ZNF12: variants seen among roughly 807,000 people sequenced by gnomAD.
ZNF12 encodes zinc finger protein 12.
In ZNF12, 34 loss-of-function variants were observed where a neutral mutation model predicts 66.6. That is an observed-to-expected ratio of 0.51 (90% confidence interval 0.39 to 0.68). The LOEUF is 0.68. Ranked by LOEUF, ZNF12 falls within the 30% of genes least tolerant of loss-of-function variation. The pLI, the probability that ZNF12 is intolerant of heterozygous loss-of-function variation, is 0.00. For missense variants in ZNF12, 697 were observed against 826.9 expected, an observed-to-expected ratio of 0.84 and a Z score of 1.93; for synonymous variants, 320 against 278.9, an observed-to-expected ratio of 1.15 and a Z score of -1.47.
At position 6,705,290 on chromosome 7, in the gene ZNF12, C is replaced by T. The variant is rs1780335773; in HGVS notation, c.-50-67G>A. On this transcript the variant is annotated intron_variant, in intron 1 of 4. Transcript: ENST00000405858. The surrounding 1 kb of genome is among the most constrained non-coding windows in gnomAD (Gnocchi z 4.0). ...GGCCTGCCAAGGCGGTCATCTCCCG[C>T]CCAAAACCTACACAGAAAGTTCCAA... 2 of 1,218,590 alleles carry T rather than the reference C, an allele frequency of 1.6e-6. No individual in the cohort carries two copies. The highest frequency in any genetic ancestry group is 1.3e-5 in the South Asian group (1 of 77,804). The allele number at this position is 1,218,590 out of a possible 1,614,324, so 75.5% of individuals were successfully genotyped here.
rs1323970725 is a variant in ZNF12, at chr7:6,706,941, G to GGGCACTGCGGCCGCGGC, written c.-561_-560insGCCGCGGCCGCAGTGCC. 7 of 403,526 alleles carry GGGCACTGCGGCCGCGGC rather than the reference G, an allele frequency of 1.7e-5. No individual in the cohort carries two copies. The highest frequency in any genetic ancestry group is 1.5e-5 in the Non-Finnish European group (3 of 203,838). The allele number at this position is 403,526 out of a possible 1,614,324, so 25.0% of individuals were successfully genotyped here. A position where few individuals can be genotyped will look rare whatever the true frequency, so the allele number is the denominator to read the frequency against. ...TGACCTGGGGACGCACAGGAAGCGA[G>GGGCACTGCGGCCGCGGC]GGCACTGCGGCCGCGGCGCGCATGC... On this transcript the variant is annotated 5_prime_UTR_variant, in exon 1 of 5. Transcript: ENST00000405858.
chr7:6,701,719 C>G (rs935060753), intron 2 of ZNF12, among the ~76,000 whole-genome samples: 1 of 152,086 alleles, frequency 6.6e-6, no homozygotes, highest in Non-Finnish European at 1.5e-5. Context: ...ACCCTCTTCT[C>G]TAACCACCTC....
Position 6,697,803 on chromosome 7 carries a change from C to T in ZNF12, c.24G>A (p.Val8=). The T allele has an allele frequency of 6.2e-7, 1 of 1,614,150 alleles. No homozygotes were observed. Among genetic ancestry groups the T allele is most frequent in the Non-Finnish European group, 8.5e-7 (1 of 1,180,040 alleles). The change falls in exon 3 of 5, where the codon GTG becomes GTA. Residue 8 remains valine, a synonymous_variant. Transcript: ENST00000405858. The surrounding 1 kb of genome is among the most constrained non-coding windows in gnomAD (Gnocchi z 6.1). ...AGTCCACAGCCACGTCCTTGAATGA[C>T]ACTGGCCCCTGAAATGGCACCGTGA... is the stretch of plus-strand genomic sequence containing the variant. The part of the protein sequence containing the change: MNKSLGP[V]SFKDVAVDFT...
chr7:6,697,341 G>C lies in ZNF12; in HGVS notation c.236C>G (p.Pro79Arg), dbSNP rs1780169056. The change falls in exon 4 of 5, where the codon CCA (proline) becomes CGA (arginine). Residue 79 changes from proline to arginine, a missense_variant and splice_region_variant. Around this residue, in one of 3 missense-constraint regions of ZNF12, gnomAD observed 241 missense variants for 224.0 expected, o/e 1.08. Transcript: ENST00000405858. The surrounding 1 kb of genome is among the most constrained non-coding windows in gnomAD (Gnocchi z 6.1). ...CCTCACTGCCTCCACTAACACACCT[G>C]GATAGCTCTGAAGTAGGAATTCTCC... ...VEGEFLLQSY[P>R]DEVWQTDDLI... 6.2e-7 allele frequency: 1 copy of C among 1,604,912 alleles called. No homozygotes were observed. Among genetic ancestry groups the C allele is most frequent in the African/African-American group, 1.3e-5 (1 of 74,782 alleles).
rs777212650 is a variant in ZNF12 at position 6,691,203 on chromosome 7, C to G, written c.1739G>C (p.Ser580Thr). The G allele has an allele frequency of 1.2e-6, 2 of 1,613,068 alleles. No individual in the cohort carries two copies. Among genetic ancestry groups the G allele is most frequent in the Non-Finnish European group, 1.7e-6 (2 of 1,179,736 alleles). The change falls in exon 5 of 5, where the codon AGT becomes ACT. Residue 580 changes from serine (S) to threonine (T), a missense_variant. Ser to Thr is a moderately conservative substitution (Grantham distance 58, BLOSUM62 1). Around this residue, in one of 3 missense-constraint regions of ZNF12, gnomAD observed 401 missense variants for 519.0 expected, o/e 0.77. Coordinates refer to ENST00000405858, the MANE Select transcript of ZNF12 (RefSeq NM_016265.4). ...IHSGEKPYEC[S>T]ECGKTFCQNS... ...CTGGCAGAAGGTTTTCCCACATTCA[C>G]TACATTCATAGGGCTTCTCTCCTGA...
intron 2 of ZNF12, among the ~76,000 whole-genome samples, chr7:6,700,567 T>C (rs944065890): frequency 6.6e-6 from 1 of 152,184 alleles, no homozygotes; most frequent in Non-Finnish European, 1.5e-5. Flanking sequence ...TGTCACTGAC[T>C]CAATCCCCTC....
Position 6,696,313 on chromosome 7 carries a change from G to C in ZNF12, c.238+1026C>G, listed in dbSNP as rs1780154474. ...CAGTGGTTTCACAGGGACCACTATAGAAGAAGAAGAGATTAGTATAGTTTA... is the reference window on the plus strand; with the variant it reads ...CAGTGGTTTCACAGGGACCACTATACAAGAAGAAGAGATTAGTATAGTTTA... On this transcript the variant is annotated intron_variant, in intron 4 of 4. Coordinates refer to ENST00000405858, the MANE Select transcript of ZNF12 (RefSeq NM_016265.4). The surrounding 1 kb of genome is among the most constrained non-coding windows in gnomAD (Gnocchi z 4.0). Among the ~76,000 whole-genome samples, 1 of 121,974 alleles carries C rather than the reference G, an allele frequency of 8.2e-6. No homozygotes were observed. The highest frequency in any genetic ancestry group is 2.6e-5 in the African/African-American group (1 of 37,824). 80.0% of individuals were successfully genotyped at this position (121,974 alleles called of 152,430 possible).
chr7:6,697,393 G>A lies in ZNF12; in HGVS notation c.184C>T (p.Gln62Ter). The A allele has an allele frequency of 6.2e-7, 1 of 1,612,446 alleles. No homozygotes were observed. The highest frequency in any genetic ancestry group is 8.5e-7 in the Non-Finnish European group (1 of 1,179,310). The change falls in exon 4 of 5, where the codon CAA becomes TAA. Residue 62 changes from glutamine (Q) to a stop codon, truncating the protein, a stop_gained. Coordinates refer to ENST00000405858, the MANE Select transcript of ZNF12 (RefSeq NM_016265.4). LOFTEE classifies it high-confidence loss of function. This position sits in a 1 kb window ranked among gnomAD's most constrained non-coding sequence, Gnocchi z 6.1. ...TCTACTATCCATGGCTCTTCTCCTT[G>A]CTCCAACTTGCTGATAACATCCGGT... ...IKPDVISKLE[Q>*]GEEPWIVEGE...
At position 6,698,527 on chromosome 7, in the gene ZNF12, A is replaced by G. The variant is rs1328323342; in HGVS notation, c.16-716T>C. Among the ~76,000 whole-genome samples, 1 of 152,218 alleles carries G rather than the reference A, an allele frequency of 6.6e-6. No homozygotes were observed. The highest frequency in any genetic ancestry group is 1.5e-5 in the Non-Finnish European group (1 of 68,046). ...TAGCTACTACTGGAACCAACCCACA[A>G]TATTTGACACAATTACCAAAATAAC... On this transcript the variant is annotated intron_variant, in intron 2 of 4. Coordinates refer to ENST00000405858, the MANE Select transcript of ZNF12 (RefSeq NM_016265.4). This position sits in a 1 kb window ranked among gnomAD's most constrained non-coding sequence, Gnocchi z 4.4.
In ZNF12 at chr7:6,690,267, A is replaced by G. The variant is rs956836032; in HGVS notation, c.*581T>C. 1 of 152,256 alleles carries G rather than the reference A, an allele frequency of 6.6e-6. No homozygotes were observed. The highest frequency in any genetic ancestry group is 1.5e-5 in the Non-Finnish European group (1 of 68,066). The allele number at this position is 152,256 out of a possible 1,614,324, so 9.4% of individuals were successfully genotyped here. Reference sequence around the variant, plus strand: ...CAACGTTTTTTCAAACATGATTCGAAGTGAACATACAATTCCTGTAATGTA... The same window carrying G: ...CAACGTTTTTTCAAACATGATTCGAGGTGAACATACAATTCCTGTAATGTA... On this transcript the variant is annotated 3_prime_UTR_variant, in exon 5 of 5. Transcript: ENST00000405858.
chr7:6,706,813 C>T lies in ZNF12; in HGVS notation c.-432G>A, dbSNP rs1033346269. 1.3e-5 allele frequency: 4 copies of T among 319,116 alleles called. No homozygotes were observed. The highest frequency in any genetic ancestry group is 9.3e-5 in the African/African-American group (4 of 43,028). The allele number at this position is 319,116 out of a possible 1,614,324, so 19.8% of individuals were successfully genotyped here. A position where few individuals can be genotyped will look rare whatever the true frequency, so the allele number is the denominator to read the frequency against. On this transcript the variant is annotated 5_prime_UTR_variant, in exon 1 of 5. Transcript: ENST00000405858. ...TGAGCCTCCGCCTGGCCCGCACAGCCCCGCGCCCGCTTGGGTGCCGGCCCG... is the reference window on the plus strand; with the variant it reads ...TGAGCCTCCGCCTGGCCCGCACAGCTCCGCGCCCGCTTGGGTGCCGGCCCG...
intron 2 of ZNF12, among the ~76,000 whole-genome samples, chr7:6,701,951 CAAAA>C (rs34380276): frequency 1.6e-3 from 198 of 127,190 alleles, no homozygotes; most frequent in Non-Finnish European, 2.1e-3. Context: ...CAAAATTTCT[CAAAA>C]AAAAAAAAAA....
rs1016281282 is a variant in ZNF12, at chr7:6,697,510, C to A, written c.143-76G>T. The A allele has an allele frequency of 2.6e-6, 4 of 1,534,564 alleles. No individual in the cohort carries two copies. The highest frequency in any genetic ancestry group is 2.7e-5 in the African/African-American group (2 of 72,730). On this transcript the variant is annotated intron_variant, in intron 3 of 4. Coordinates refer to ENST00000405858, the MANE Select transcript of ZNF12 (RefSeq NM_016265.4). The surrounding 1 kb of genome is among the most constrained non-coding windows in gnomAD (Gnocchi z 6.1). ...GGTCTCTGTCATACAGGGAAAATTC[C>A]ATTTGTGTCTTATCAAAATCAGAAC...
intron 2 of ZNF12, among the ~76,000 whole-genome samples, chr7:6,703,314 G>C (rs997729744): frequency 5.9e-5 from 9 of 152,204 alleles, no homozygotes; most frequent in African/African-American, 2.2e-4. Flanking sequence ...ATATGCCTGG[G>C]CTTGTGGAGG....
chr7:6,702,090 A>C (rs1780253619), intron 2 of ZNF12, among the ~76,000 whole-genome samples: 5 of 152,086 alleles, frequency 3.3e-5, no homozygotes, highest in Admixed American at 3.3e-4. Context: ...CCTGAGCTAA[A>C]TCCCAGCACT....
rs923901651 is a variant in ZNF12, at chr7:6,698,686, G to A, written c.16-875C>T. Among the ~76,000 whole-genome samples the A allele has an allele frequency of 6.6e-6, 1 of 152,154 alleles. No individual in the cohort carries two copies. The highest frequency in any genetic ancestry group is 1.5e-5 in the Non-Finnish European group (1 of 68,038). On this transcript the variant is annotated intron_variant, in intron 2 of 4. Transcript: ENST00000405858. This position sits in a 1 kb window ranked among gnomAD's most constrained non-coding sequence, Gnocchi z 4.4. ...TTCAGGTTTTCCTAATTCCCAGCTGGGAACCCCAAATTTCCTTTCTTCCCA... is the reference window on the plus strand; with the variant it reads ...TTCAGGTTTTCCTAATTCCCAGCTGAGAACCCCAAATTTCCTTTCTTCCCA...
Position 6,697,365 on chromosome 7 carries a change from CCTT to C in ZNF12, c.209_211del (p.Glu70del), listed in dbSNP as rs780075814. 9.9e-6 allele frequency: 16 copies of C among 1,611,432 alleles called. No homozygotes were observed. Among genetic ancestry groups the C allele is most frequent in the Admixed American group, 8.4e-5 (5 of 59,544 alleles). ...TGGATAGCTCTGAAGTAGGAATTCT[CCTT>C]CTACTATCCATGGCTCTTCTCCTTG... On this transcript the variant is annotated inframe_deletion, in exon 4 of 5. Transcript: ENST00000405858. This position sits in a 1 kb window ranked among gnomAD's most constrained non-coding sequence, Gnocchi z 6.1.
rs1428273958 is a variant in ZNF12 at position 6,705,717 on chromosome 7, C to A, written c.-50-494G>T. Among the ~76,000 whole-genome samples, 20 of 148,604 alleles carry A rather than the reference C, an allele frequency of 1.3e-4. No individual in the cohort carries two copies. The highest frequency in any genetic ancestry group is 2.2e-4 in the African/African-American group (9 of 40,192). On this transcript the variant is annotated intron_variant, in intron 1 of 4. Transcript: ENST00000405858. The surrounding 1 kb of genome is among the most constrained non-coding windows in gnomAD (Gnocchi z 4.0). ...CTGGGCAACAAAGCGAAACTTGTCT[C>A]AAAAACAAACAAACAAACAAACAAA...
intron 2 of ZNF12, among the ~76,000 whole-genome samples, chr7:6,702,303 A>AACACAC (rs35642461): frequency 0.13 from 16,204 of 122,638 alleles, 1,233 homozygotes; most frequent in Middle Eastern, 0.18. Flanking sequence ...AAACTCCACA[A>AACACAC]ACACACACAC....
Sources: gnomAD v4.1 joint callset for allele counts (sites outside exome capture counted in the v4.1 genomes callset) on GRCh38, gnomAD v4.1.1 for gene constraint, gnomAD v4.1.1 regional missense constraint, Gnocchi (gnomAD v3.1) non-coding constraint, MANE v1.5 for transcripts, NCBI Gene and HGNC (gene_info 2026-07-23, HGNC 2026-07-21) for gene names.